The following ANKRD29 variants were observed in gnomAD, a reference collection of about 807,000 sequenced individuals.
ANKRD29 encodes the protein ankyrin repeat domain-containing protein 29.
In ANKRD29, 32 loss-of-function variants were observed where a neutral mutation model predicts 38.0. The ratio of observed to expected loss-of-function variants is 0.84; its 90% CI spans 0.64 to 1.13. The LOEUF is 1.13. Ranked by LOEUF, ANKRD29 falls within the 50% of genes most tolerant of loss-of-function variation. The pLI is 0.00. For synonymous variants in ANKRD29, 135 were observed against 152.4 expected, an observed-to-expected ratio of 0.89 and a Z score of 0.84; for missense variants, 357 against 377.9, an observed-to-expected ratio of 0.94 and a Z score of 0.46.
chr18:23,603,253 T>C (rs936164487), intron 9 of ANKRD29, among the ~76,000 whole-genome samples: 4 of 152,264 alleles, frequency 2.6e-5, no homozygotes, highest in Admixed American at 2.0e-4. Flanking sequence ...TACCTATGCA[T>C]GGTTTGTAAC....
intron 2 of ANKRD29, chr18:23,648,860 G>T: frequency 2.2e-6 from 1 of 459,812 alleles, no homozygotes; most frequent in Non-Finnish European, 3.8e-6. Flanking sequence ...CCCTATTGTG[G>T]TTGCCTTCTG....
At position 23,619,564 on chromosome 18, in the gene ANKRD29, C is replaced by T; in HGVS notation, c.594G>A (p.Leu198=). The part of the protein sequence containing the change: ...MGHSEVVRVM[L]LRGADRDAAR... ...CAGCGTCGCGGTCGGCTCCGCGCAG[C>T]AGCATCACCCGCACCACCTCGCTGT... Residue 198 remains leucine (L), a synonymous_variant, in exon 7 of 10, where the codon CTG becomes CTA. Coordinates refer to ENST00000592179, the MANE Select transcript of ANKRD29 (RefSeq NM_173505.4). 6.3e-7 allele frequency: 1 copy of T among 1,597,606 alleles called. No individual in the cohort carries two copies. The highest frequency in any genetic ancestry group is 8.5e-7 in the Non-Finnish European group (1 of 1,178,968).
In ANKRD29 at chr18:23,638,838, G is replaced by A; in HGVS notation, c.330+11C>T. ...CTTCAACATAATACAAAATCAAGAAGGTTATCTCACTTTGGTCCTAAATTC... is the reference window on the plus strand; with the variant it reads ...CTTCAACATAATACAAAATCAAGAAAGTTATCTCACTTTGGTCCTAAATTC... On this transcript the variant is annotated intron_variant, in intron 4 of 9. Coordinates refer to ENST00000592179, the MANE Select transcript of ANKRD29 (RefSeq NM_173505.4). 1 of 1,597,858 alleles carries A rather than the reference G, an allele frequency of 6.3e-7. No homozygotes were observed. Among genetic ancestry groups the A allele is most frequent in the Non-Finnish European group, 8.5e-7 (1 of 1,171,544 alleles).
At chr18:23,645,358 G>C (rs962335840) in intron 3 of ANKRD29, among the ~76,000 whole-genome samples, 1 of 152,160 alleles carries the variant, frequency 6.6e-6, no homozygotes, top group Admixed American at 6.5e-5. Context: ...GGCAGATCAC[G>C]AGGTCAGGAG....
intron 8 of ANKRD29, among the ~76,000 whole-genome samples, chr18:23,616,321 G>A (rs936818241): frequency 1.3e-5 from 2 of 149,496 alleles, no homozygotes; most frequent in African/African-American, 4.9e-5. Context: ...TTAAGGCTGG[G>A]AGTTTGAGAC....
chr18:23,657,622 C>T (rs1252914687), intron 1 of ANKRD29, among the ~76,000 whole-genome samples: 1 of 152,152 alleles, frequency 6.6e-6, no homozygotes, highest in Non-Finnish European at 1.5e-5. Context: ...AACCACTAAT[C>T]GACTTTCTGT....
chr18:23,630,697 G>A (rs1176345643), intron 5 of ANKRD29, among the ~76,000 whole-genome samples: 1 of 151,360 alleles, frequency 6.6e-6, no homozygotes. Context: ...CTCTTTGTAG[G>A]TTTCCACCTT....
chr18:23,637,461 G>A (rs2060016741), intron 4 of ANKRD29, among the ~76,000 whole-genome samples: 1 of 152,094 alleles, frequency 6.6e-6, no homozygotes, highest in South Asian at 2.1e-4. Flanking sequence ...GCAGTGGCAT[G>A]ATCACGGCTC....
chr18:23,643,137 G>T (rs2060099123), intron 3 of ANKRD29, among the ~76,000 whole-genome samples: 1 of 152,192 alleles, frequency 6.6e-6, no homozygotes, highest in Non-Finnish European at 1.5e-5. Context: ...ACCACTGAGG[G>T]AGAACATGTA....
intron 1 of ANKRD29, among the ~76,000 whole-genome samples, chr18:23,661,945 G>A (rs967290140): frequency 6.6e-6 from 1 of 150,652 alleles, no homozygotes; most frequent in African/African-American, 2.4e-5. Flanking sequence ...ACACACTTGG[G>A]TTTCAGTCTT....
At position 23,649,083 on chromosome 18, in the gene ANKRD29, G is replaced by C. The variant is rs374359345; in HGVS notation, c.132C>G (p.Ser44Arg). ...GCATGCATCTACCGAACCACCGTACGCTGTCTCTGCAGTCCACGTCCACCC... is the reference window on the plus strand; with the variant it reads ...GCATGCATCTACCGAACCACCGTACCCTGTCTCTGCAGTCCACGTCCACCC... ...SGRVDVDCRD[S>R]HGTTLLMVAA... The change falls in exon 2 of 10, where the codon AGC becomes AGG. Residue 44 changes from serine (S) to arginine (R), a missense_variant and splice_region_variant. Ser to Arg is a moderately radical substitution (Grantham distance 110). Transcript: ENST00000592179. The C allele has an allele frequency of 6.8e-6, 11 of 1,613,614 alleles. No individual in the cohort carries two copies. The highest frequency in any genetic ancestry group is 9.3e-6 in the Non-Finnish European group (11 of 1,179,794).
chr18:23,658,133 T>A (rs1310659281), intron 1 of ANKRD29, among the ~76,000 whole-genome samples: 1 of 152,204 alleles, frequency 6.6e-6, no homozygotes, highest in East Asian at 1.9e-4. Flanking sequence ...GGACTAGGCA[T>A]GGTGGCTCAC....
At chr18:23,606,285 T>C (rs1191442918) in intron 9 of ANKRD29, among the ~76,000 whole-genome samples, 2 of 152,184 alleles carry the variant, frequency 1.3e-5, no homozygotes, top group Admixed American at 1.3e-4. Context: ...CTATGTTTTT[T>C]GTTTTTTAAT....
rs536357841 is a variant in ANKRD29, at chr18:23,651,037, C to T, written c.22-1844G>A. 2.6e-5 allele frequency among the ~76,000 whole-genome samples: 4 copies of T among 152,164 alleles called. No homozygotes were observed. The East Asian group carries it at 7.7e-4, about 29-fold the overall frequency. On this transcript the variant is annotated intron_variant, in intron 1 of 9. Transcript: ENST00000592179. ...TTAAATACAGTGCTTTTTCTAAGCTCAAAAGAAAATACCAACAATTTCAGC... is the reference window on the plus strand; with the variant it reads ...TTAAATACAGTGCTTTTTCTAAGCTTAAAAGAAAATACCAACAATTTCAGC...
rs756332795 is a variant in ANKRD29, at chr18:23,649,203, C to T, written c.22-10G>A. 6 of 1,601,648 alleles carry T rather than the reference C, an allele frequency of 3.7e-6. No homozygotes were observed. The highest frequency in any genetic ancestry group is 1.1e-5 in the South Asian group (1 of 90,218). On this transcript the variant is annotated splice_polypyrimidine_tract_variant and intron_variant, in intron 1 of 9. Transcript: ENST00000592179. ...CAAGTGGAGTTTCCTTCTGCAAGAA[C>T]AAAATGAAACAGGATCTTAAAATTG...
At chr18:23,629,352 G>A (rs1020531701) in intron 6 of ANKRD29, among the ~76,000 whole-genome samples, 2 of 152,248 alleles carry the variant, frequency 1.3e-5, no homozygotes, top group African/African-American at 4.8e-5. Flanking sequence ...GGTAAATGAA[G>A]TCTCAACAGC....
intron 1 of ANKRD29, among the ~76,000 whole-genome samples, chr18:23,654,397 A>G (rs545241112): frequency 1.3e-5 from 2 of 151,948 alleles, no homozygotes; most frequent in Non-Finnish European, 2.9e-5. Flanking sequence ...AGGTAGGCAG[A>G]TCACTTGAGC....
intron 9 of ANKRD29, among the ~76,000 whole-genome samples, chr18:23,604,917 T>C (rs1476403247): frequency 6.6e-6 from 1 of 152,168 alleles, no homozygotes; most frequent in Non-Finnish European, 1.5e-5. Context: ...CAGAATTTTA[T>C]TTTATTTTAT....
At chr18:23,639,529 ATTTTT>A (rs11310206) in intron 3 of ANKRD29, among the ~76,000 whole-genome samples, 2 of 120,342 alleles carry the variant, frequency 1.7e-5, no homozygotes, top group Non-Finnish European at 3.6e-5. Context: ...TTTTACTGTG[ATTTTT>A]TTTTTTTTTT....
Sources: allele counts gnomAD v4.1 joint callset (sites outside exome capture counted in the v4.1 genomes callset), GRCh38; gene constraint gnomAD v4.1.1; transcripts MANE v1.5; gene names NCBI Gene and HGNC (gene_info 2026-07-23, HGNC 2026-07-21).